MAPK9: variants seen among roughly 807,000 people sequenced by gnomAD.
The protein encoded by MAPK9 is mitogen-activated protein kinase 9.
In MAPK9, 30 loss-of-function variants were observed where a neutral mutation model predicts 57.1. The ratio of observed to expected loss-of-function variants is 0.53; its 90% CI spans 0.39 to 0.71. The LOEUF (loss-of-function observed/expected upper bound fraction) is 0.71. Among genes scored for constraint, MAPK9 ranks in the 30% least tolerant of loss-of-function variants. The pLI, the probability that MAPK9 is intolerant of heterozygous loss-of-function variation, is 0.00. For missense variants in MAPK9, 362 were observed against 521.0 expected (o/e 0.69, Z 2.97); for synonymous variants, 155 against 177.0 (o/e 0.88, Z 0.99).
intron 5 of MAPK9, among the ~76,000 whole-genome samples, chr5:180,259,184 T>A (rs1759638718): frequency 6.6e-6 from 1 of 152,162 alleles, no homozygotes; most frequent in South Asian, 2.1e-4. Context: ...ATGAAAGAAC[T>A]CACACTGGAG....
intron 1 of MAPK9, among the ~76,000 whole-genome samples, chr5:180,282,876 T>G (rs1304831777): frequency 6.6e-6 from 1 of 151,878 alleles, no homozygotes; most frequent in Non-Finnish European, 1.5e-5. Context: ...CTAAACCCAG[T>G]AGGGTGAAGA....
chr5:180,275,979 T>C (rs1371682723), intron 2 of MAPK9, among the ~76,000 whole-genome samples: 1 of 152,196 alleles, frequency 6.6e-6, no homozygotes, highest in Non-Finnish European at 1.5e-5. Context: ...CGGGCCACCA[T>C]CTTAAATGAG....
At position 180,272,169 on chromosome 5, in the gene MAPK9, A is replaced by G. The variant is rs193005739; in HGVS notation, c.123-2760T>C. 1.7e-3 allele frequency among the ~76,000 whole-genome samples: 256 copies of G among 152,244 alleles called. 1 individual carries two copies. Among genetic ancestry groups the G allele is most frequent in the Admixed American group, 3.3e-3 (51 of 15,288 alleles). On this transcript the variant is annotated intron_variant, in intron 2 of 11. Coordinates refer to ENST00000452135, the MANE Select transcript of MAPK9 (RefSeq NM_002752.5). ...AGCCACCATCCTGGGATTTCTTTTC[A>G]CAGTCCCCACTGCTTCTTGCATTAC...
rs751947871 is a variant in MAPK9 at position 180,249,054 on chromosome 5, T to G, written c.535A>C (p.Asn179His). ...DFGLARTACTNFMMTPYVVTR... is the reference protein window; with the variant it reads ...DFGLARTACTHFMMTPYVVTR... The stretch of plus-strand genomic sequence containing the variant: ...ACCACGTAAGGGGTCATCATGAAGT[T>G]AGTGCACGCTGTCCGGGCCAGGCCA... Residue 179 changes from asparagine to histidine, a missense_variant, in exon 6 of 12, where the codon AAC becomes CAC. Physicochemically the swap from Asn to His is moderately conservative, Grantham distance 68 (BLOSUM62 1). This residue lies in a region of MAPK9 where 127 missense variants were observed against 231.7 expected (regional missense o/e 0.55). Transcript: ENST00000452135. 1.2e-6 allele frequency: 2 copies of G among 1,614,042 alleles called. No individual in the cohort carries two copies. The highest frequency in any genetic ancestry group is 1.7e-6 in the Non-Finnish European group (2 of 1,179,950).
intron 1 of MAPK9, among the ~76,000 whole-genome samples, chr5:180,284,609 T>C (rs1762584062): frequency 6.6e-6 from 1 of 152,244 alleles, no homozygotes; most frequent in Non-Finnish European, 1.5e-5. Context: ...AAATGTTAAC[T>C]GCATATCCTA....
At position 180,280,397 on chromosome 5, in the gene MAPK9, C is replaced by T. The variant is rs144116180; in HGVS notation, c.122+43G>A. ...GACACTTTAGTTTTACTTTTTATTA[C>T]AGCAAAAACTCAATCCACGCTATTA... On this transcript the variant is annotated intron_variant, in intron 2 of 11. Coordinates refer to ENST00000452135, the MANE Select transcript of MAPK9 (RefSeq NM_002752.5). 858 of 1,580,372 alleles carry T rather than the reference C, an allele frequency of 5.4e-4. 3 individuals carry two copies. In the African/African-American group the frequency reaches 0.011, roughly 20 times the overall value.
At chr5:180,270,943 A>G (rs1761240926) in intron 2 of MAPK9, among the ~76,000 whole-genome samples, 1 of 152,124 alleles carries the variant, frequency 6.6e-6, no homozygotes, top group Admixed American at 6.5e-5. Context: ...TTTGTCCAAA[A>G]TTTCAGTTAG....
At chr5:180,284,624 G>A (rs1762586492) in intron 1 of MAPK9, among the ~76,000 whole-genome samples, 1 of 152,194 alleles carries the variant, frequency 6.6e-6, no homozygotes, top group Non-Finnish European at 1.5e-5. Flanking sequence ...ATCCTAAACT[G>A]GCAAACACAA....
In MAPK9 at chr5:180,241,068, T is replaced by C; in HGVS notation, c.959A>G (p.Tyr320Cys). Reference protein sequence around the residue: ...ISVDEALRHPYITVWYDPAEA... With the variant: ...ISVDEALRHPCITVWYDPAEA... ...GGCGGGGTCATACCAAACAGTGATG[T>C]ATGGGTGACGCAGAGCTTCGTCTAC... The change falls in exon 9 of 12, where the codon TAC (tyrosine) becomes TGC (cysteine). Residue 320 changes from tyrosine to cysteine, a missense_variant. By Grantham distance (194) the Tyr-to-Cys change is radical. Around this residue, in one of 3 missense-constraint regions of MAPK9, gnomAD observed 199 missense variants for 251.3 expected, o/e 0.79. Transcript: ENST00000452135. The C allele has an allele frequency of 6.2e-7, 1 of 1,614,028 alleles. No homozygotes were observed. Among genetic ancestry groups the C allele is most frequent in the Non-Finnish European group, 8.5e-7 (1 of 1,179,978 alleles).
intron 4 of MAPK9, among the ~76,000 whole-genome samples, chr5:180,263,627 C>A (rs1479550384): frequency 6.6e-6 from 1 of 152,024 alleles, no homozygotes; most frequent in Non-Finnish European, 1.5e-5. Context: ...ACCAGGCGGG[C>A]ATCCACTGCT....
At chr5:180,283,390 T>C (rs1401402570) in intron 1 of MAPK9, among the ~76,000 whole-genome samples, 2 of 152,170 alleles carry the variant, frequency 1.3e-5, no homozygotes, top group Non-Finnish European at 2.9e-5. Flanking sequence ...GGAAGTCACA[T>C]GCTGTAGATG....
In MAPK9 at chr5:180,240,884, C is replaced by T. The variant is rs138900129; in HGVS notation, c.996+147G>A. The T allele has an allele frequency of 9.1e-4, 923 of 1,009,584 alleles. 5 individuals are homozygous for T. In the Middle Eastern group the frequency reaches 0.021, roughly 23 times the overall value. The allele number at this position is 1,009,584 out of a possible 1,614,324, so 62.5% of individuals were successfully genotyped here. On this transcript the variant is annotated intron_variant, in intron 9 of 11. Transcript: ENST00000452135. ...CAGCAAAAGAGCAAGCGACCCAGGT[C>T]TCAGACAACACTTGGCCTTTCTGTA... is the stretch of plus-strand genomic sequence containing the variant.
chr5:180,254,007 C>A (rs1759002343), intron 5 of MAPK9, among the ~76,000 whole-genome samples: 1 of 115,634 alleles, frequency 8.6e-6, no homozygotes, highest in African/African-American at 3.3e-5. Context: ...GATCTTGTTG[C>A]TCAGGCTGGA....
chr5:180,288,914 T>C (rs1411097727), intron 1 of MAPK9, among the ~76,000 whole-genome samples: 1 of 152,264 alleles, frequency 6.6e-6, no homozygotes, highest in East Asian at 1.9e-4. Context: ...TTGTATATGT[T>C]TGAAAGTTCC....
At chr5:180,266,125 A>G (rs1274549119) in intron 3 of MAPK9, among the ~76,000 whole-genome samples, 1 of 152,112 alleles carries the variant, frequency 6.6e-6, no homozygotes, top group Non-Finnish European at 1.5e-5. Context: ...CAAATGCAGA[A>G]GAGACCAGCA....
chr5:180,241,144 T>C lies in MAPK9; in HGVS notation c.883A>G (p.Arg295Gly), dbSNP rs1757619135. The change falls in exon 9 of 12, where the codon AGA becomes GGA. Residue 295 changes from arginine (R) to glycine (G), a missense_variant. By Grantham distance (125) the Arg-to-Gly change is moderately radical (BLOSUM62 -2). This residue lies in a region of MAPK9 where 199 missense variants were observed against 251.3 expected (regional missense o/e 0.79). Transcript: ENST00000452135. ...ERDKIKTSQA[R>G]DLLSKMLVID... is the part of the protein sequence containing the mutation. ...ACTAACATTTTTGATAACAGATCTC[T>C]GGCTTGACTTGCTAGGGTGACAACA... The C allele has an allele frequency of 1.2e-6, 2 of 1,612,850 alleles. No homozygotes were observed. Among genetic ancestry groups the C allele is most frequent in the East Asian group, 4.5e-5 (2 of 44,864 alleles).
intron 3 of MAPK9, among the ~76,000 whole-genome samples, chr5:180,268,687 C>T (rs1287367082): frequency 1.1e-4 from 17 of 152,010 alleles, no homozygotes; most frequent in Admixed American, 5.9e-4. Context: ...ATTAGCCGGG[C>T]GTGGTGGCGG....
chr5:180,262,025 A>AC (rs1397960009), intron 4 of MAPK9, among the ~76,000 whole-genome samples: 5 of 152,302 alleles, frequency 3.3e-5, no homozygotes, highest in Non-Finnish European at 2.9e-5. Context: ...TTAAAAAAAA[A>AC]AACAACAACC....
intron 2 of MAPK9, among the ~76,000 whole-genome samples, chr5:180,273,629 T>TTA (rs1295907274): frequency 1.3e-5 from 2 of 152,268 alleles, no homozygotes; most frequent in African/African-American, 2.4e-5. Flanking sequence ...CTGGCTTGCC[T>TTA]TATATATTTA....
Sources: gnomAD v4.1 joint callset for allele counts (sites outside exome capture counted in the v4.1 genomes callset) on GRCh38, gnomAD v4.1.1 for gene constraint, gnomAD v4.1.1 regional missense constraint, MANE v1.5 for transcripts, NCBI Gene and HGNC (gene_info 2026-07-23, HGNC 2026-07-21) for gene names.